Variants in GRIK4 observed in about 807,000 individuals in gnomAD.
GRIK4 encodes the protein glutamate receptor ionotropic, kainate 4.
A neutral mutation model predicts 104.9 loss-of-function variants in GRIK4; 40 were observed. The ratio of observed to expected loss-of-function variants is 0.38; its 90% CI spans 0.30 to 0.50. The LOEUF (loss-of-function observed/expected upper bound fraction) is 0.50. Among genes scored for constraint, GRIK4 ranks in the 20% least tolerant of loss-of-function variants. The pLI is 0.93. For synonymous variants in GRIK4, 485 were observed against 524.9 expected, an observed-to-expected ratio of 0.92 and a Z score of 1.04; for missense variants, 1,047 against 1,308.1, an observed-to-expected ratio of 0.80 and a Z score of 3.08.
chr11:120,539,797 TAATGGAGCTCCTGGAGGGCTA>T (rs555059361), intron 1 of GRIK4, among the ~76,000 whole-genome samples: 1 of 152,226 alleles, frequency 6.6e-6, no homozygotes, highest in South Asian at 2.1e-4. Context: ...CAGGATGGCT[TAATGGAGCTCCTGGAGGGCTA>T]AATAGGCAGC....
intron 3 of GRIK4, among the ~76,000 whole-genome samples, chr11:120,765,586 C>T (rs1387047138): frequency 6.6e-6 from 1 of 152,138 alleles, no homozygotes. Context: ...TTTTCCTCAT[C>T]TTCGTGGATT....
At chr11:120,607,793 G>T (rs898717655) in intron 1 of GRIK4, among the ~76,000 whole-genome samples, 4 of 152,144 alleles carry the variant, frequency 2.6e-5, no homozygotes, top group South Asian at 2.1e-4. Flanking sequence ...GAGAGCAGAT[G>T]AGAGAGGAAA....
At chr11:120,620,828 G>A (rs1176917765) in intron 1 of GRIK4, among the ~76,000 whole-genome samples, 2 of 152,132 alleles carry the variant, frequency 1.3e-5, no homozygotes, top group Non-Finnish European at 2.9e-5. Context: ...GGGCATGCAC[G>A]ATGTGCCGGG....
chr11:120,753,317 G>GTGTGTA (rs1555055663), intron 3 of GRIK4, among the ~76,000 whole-genome samples: 6 of 149,652 alleles, frequency 4.0e-5, no homozygotes, highest in African/African-American at 1.5e-4. Context: ...GTGTGTGTGT[G>GTGTGTA]TGTGTGTGTG....
chr11:120,897,738 G>A (rs113454800), intron 11 of GRIK4, among the ~76,000 whole-genome samples: 7 of 151,832 alleles, frequency 4.6e-5, no homozygotes, highest in African/African-American at 1.5e-4. Flanking sequence ...AAAGCAGCAT[G>A]TATTGAGTGC....
At chr11:120,548,009 G>A (rs188075875) in intron 1 of GRIK4, among the ~76,000 whole-genome samples, 28 of 152,330 alleles carry the variant, frequency 1.8e-4, no homozygotes, top group African/African-American at 4.8e-4. Context: ...CATGGGAACT[G>A]CTGTCCACAG....
At chr11:120,960,195 G>C (rs567884310) in intron 16 of GRIK4, among the ~76,000 whole-genome samples, 353 of 152,288 alleles carry the variant, frequency 2.3e-3, no homozygotes, top group Non-Finnish European at 3.9e-3. Context: ...TGGGCATGGT[G>C]GTGCATGCCT....
intron 3 of GRIK4, among the ~76,000 whole-genome samples, chr11:120,790,691 G>A (rs1437536837): frequency 6.6e-6 from 1 of 152,220 alleles, no homozygotes; most frequent in Non-Finnish European, 1.5e-5. Flanking sequence ...GAGTAGCTAG[G>A]TTGGTGCAAG....
intron 1 of GRIK4, among the ~76,000 whole-genome samples, chr11:120,526,849 CA>C (rs371169106): frequency 9.4e-4 from 141 of 150,144 alleles, no homozygotes; most frequent in African/African-American, 3.3e-3. Context: ...AACACCATCT[CA>C]AAAAAAAGAA....
At chr11:120,764,482 C>T (rs926867063) in intron 3 of GRIK4, among the ~76,000 whole-genome samples, 4 of 152,112 alleles carry the variant, frequency 2.6e-5, no homozygotes, top group African/African-American at 4.8e-5. Flanking sequence ...TTGATCCTGC[C>T]ATTATGATGC....
intron 1 of GRIK4, among the ~76,000 whole-genome samples, chr11:120,601,565 AG>A (rs1194910165): frequency 4.9e-5 from 7 of 143,366 alleles, no homozygotes. Context: ...AAAATTGAGG[AG>A]GGGAGGCTTT....
Position 120,687,383 on chromosome 11 carries a change from TTTG to T in GRIK4, c.82+26989_82+26991del, listed in dbSNP as rs1950292413. ...TTGTAGAATTTCCAAGTGATTGTTT[TTTG>T]TTGTTTTCAATTTCTGGTAAGATTC... On this transcript the variant is annotated intron_variant, in intron 3 of 20. Transcript: ENST00000527524. Among the ~76,000 whole-genome samples, 3 of 152,240 alleles carry T rather than the reference TTTG, an allele frequency of 2.0e-5. No homozygotes were observed. The South Asian group carries it at 6.2e-4, about 31-fold the overall frequency.
chr11:120,742,260 C>T (rs531727383), intron 3 of GRIK4, among the ~76,000 whole-genome samples: 5 of 151,014 alleles, frequency 3.3e-5, no homozygotes, highest in East Asian at 3.9e-4. Context: ...GCATGAGAAT[C>T]GCTTGAACCT....
chr11:120,653,757 T>G lies in GRIK4; in HGVS notation c.-86T>G, dbSNP rs1315269052. On this transcript the variant is annotated 5_prime_UTR_variant, in exon 2 of 21. Coordinates refer to ENST00000527524, the MANE Select transcript of GRIK4 (RefSeq NM_014619.5). ...GAGGACACAGGTGGAAAAGCCCGAA[T>G]TGCTCCCTGCTCTCCTGGCGCTCAT... 1 of 152,254 alleles carries G rather than the reference T, an allele frequency of 6.6e-6. No homozygotes were observed. Among genetic ancestry groups the G allele is most frequent in the Admixed American group, 6.5e-5 (1 of 15,282 alleles). The allele number at this position is 152,254 out of a possible 1,614,324, so 9.4% of individuals were successfully genotyped here. A position where few individuals can be genotyped will look rare whatever the true frequency, so the allele number is the denominator to read the frequency against.
At chr11:120,909,407 A>T (rs1942943234) in intron 13 of GRIK4, among the ~76,000 whole-genome samples, 1 of 152,174 alleles carries the variant, frequency 6.6e-6, no homozygotes, top group Non-Finnish European at 1.5e-5. Context: ...AACAGCTGAG[A>T]GTGAAAACCA....
At chr11:120,938,544 A>G (rs538274979) in intron 13 of GRIK4, among the ~76,000 whole-genome samples, 2 of 152,298 alleles carry the variant, frequency 1.3e-5, no homozygotes, top group Admixed American at 6.5e-5. Context: ...ATCTTTGCCA[A>G]TGGATTTATC....
chr11:120,908,784 T>C (rs1942929137), intron 13 of GRIK4, among the ~76,000 whole-genome samples: 1 of 152,198 alleles, frequency 6.6e-6, no homozygotes, highest in African/African-American at 2.4e-5. Flanking sequence ...TGACTGAAGT[T>C]CATACCACAG....
At chr11:120,958,714 C>G (rs1161358248) in intron 16 of GRIK4, among the ~76,000 whole-genome samples, 3 of 152,246 alleles carry the variant, frequency 2.0e-5, no homozygotes, top group Non-Finnish European at 1.5e-5. Context: ...CTTGTGCCCT[C>G]TGACCAGTTT....
At chr11:120,683,833 AG>A (rs1950235020) in intron 3 of GRIK4, among the ~76,000 whole-genome samples, 1 of 152,228 alleles carries the variant, frequency 6.6e-6, no homozygotes, top group Admixed American at 6.5e-5. Flanking sequence ...AGAAAAGTAA[AG>A]AAGGGTCTTG....
Sources: allele counts gnomAD v4.1 joint callset (sites outside exome capture counted in the v4.1 genomes callset), GRCh38; gene constraint gnomAD v4.1.1; transcripts MANE v1.5; gene names NCBI Gene and HGNC (gene_info 2026-07-23, HGNC 2026-07-21).